The following MMP16 variants were observed in gnomAD, a reference collection of about 807,000 sequenced individuals.
MMP16 encodes matrix metallopeptidase 16, also known as matrix metalloproteinase-16.
In MMP16, 12 loss-of-function variants were observed where a neutral mutation model predicts 67.8. That is an observed-to-expected ratio of 0.18 (90% CI 0.11 to 0.29). MMP16 has a LOEUF of 0.29. Ranked by LOEUF, MMP16 falls within the 10% of genes least tolerant of loss-of-function variation. The pLI, the probability that MMP16 is intolerant of heterozygous loss-of-function variation, is 1.00. For synonymous variants in MMP16, 249 were observed against 255.9 expected (o/e 0.97, Z 0.26); for missense variants, 475 against 765.7 (o/e 0.62, Z 4.48).
intron 1 of MMP16, among the ~76,000 whole-genome samples, chr8:88,264,383 T>G (rs1175554484): frequency 6.6e-6 from 1 of 152,150 alleles, no homozygotes; most frequent in African/African-American, 2.4e-5. Context: ...AAAATTTTTT[T>G]AGAGATAGGA....
chr8:88,272,358 A>G (rs2129974978), intron 1 of MMP16, among the ~76,000 whole-genome samples: 1 of 152,296 alleles, frequency 6.6e-6, no homozygotes, highest in African/African-American at 2.4e-5. Flanking sequence ...AATAGCAAAG[A>G]ATATATAAAG....
At chr8:88,177,684 C>G (rs1035434680) in intron 3 of MMP16, among the ~76,000 whole-genome samples, 2 of 152,166 alleles carry the variant, frequency 1.3e-5, no homozygotes, top group Non-Finnish European at 2.9e-5. Context: ...ACTATTTTAT[C>G]AAAGCATTAT....
chr8:88,299,992 T>C (rs1006605181), intron 1 of MMP16, among the ~76,000 whole-genome samples: 1 of 152,236 alleles, frequency 6.6e-6, no homozygotes, highest in African/African-American at 2.4e-5. Context: ...CTTATGCTTA[T>C]ATTTCTTTTC....
chr8:88,100,275 T>C (rs1311486977), intron 6 of MMP16, among the ~76,000 whole-genome samples: 2 of 151,840 alleles, frequency 1.3e-5, no homozygotes, highest in African/African-American at 4.8e-5. Flanking sequence ...CACACAAATT[T>C]ACAAGAAAAA....
At chr8:88,134,616 T>C (rs750984443) in intron 4 of MMP16, among the ~76,000 whole-genome samples, 3 of 151,638 alleles carry the variant, frequency 2.0e-5, no homozygotes, top group Non-Finnish European at 4.4e-5. Flanking sequence ...CTCCTCTCTA[T>C]ATATTTTTCT....
chr8:88,175,275 T>C (rs565007828), intron 3 of MMP16, among the ~76,000 whole-genome samples: 1 of 152,324 alleles, frequency 6.6e-6, no homozygotes, highest in South Asian at 2.1e-4. Flanking sequence ...AAATAAAACC[T>C]AGATTCCACC....
chr8:88,318,205 T>C (rs1458619901), intron 1 of MMP16, among the ~76,000 whole-genome samples: 1 of 152,212 alleles, frequency 6.6e-6, no homozygotes. Context: ...TCTTCCTGAA[T>C]ACTTTGAAAA....
At chr8:88,324,640 T>A (rs1811510328) in intron 1 of MMP16, among the ~76,000 whole-genome samples, 1 of 152,164 alleles carries the variant, frequency 6.6e-6, no homozygotes, top group Middle Eastern at 3.4e-3. Context: ...TGAGAATCAA[T>A]CAAATAAAAC....
rs1456357094 is a variant in MMP16 at position 88,039,641 on chromosome 8, A to G, written c.*1820T>C. 1.3e-5 allele frequency: 2 copies of G among 152,638 alleles called. No individual in the cohort carries two copies. Among genetic ancestry groups the G allele is most frequent in the Non-Finnish European group, 2.9e-5 (2 of 68,044 alleles). 9.5% of individuals were successfully genotyped at this position (152,638 alleles called of 1,614,324 possible). On this transcript the variant is annotated 3_prime_UTR_variant, in exon 10 of 10. Transcript: ENST00000286614. This position sits in a 1 kb window ranked among gnomAD's most constrained non-coding sequence, Gnocchi z 4.5. ...TTCAAGGCAAGCTGTTCATTGTTTCAAAAGCTAATCCCCTCAAAGCTGGCT... is the reference window on the plus strand; with the variant it reads ...TTCAAGGCAAGCTGTTCATTGTTTCGAAAGCTAATCCCCTCAAAGCTGGCT...
intron 1 of MMP16, among the ~76,000 whole-genome samples, chr8:88,246,571 C>G (rs1001555322): frequency 6.6e-6 from 1 of 152,054 alleles, no homozygotes; most frequent in Admixed American, 6.6e-5. Flanking sequence ...TAAATACTAC[C>G]CAGCCCAACT....
intron 7 of MMP16, among the ~76,000 whole-genome samples, chr8:88,072,763 A>G (rs1306344186): frequency 6.6e-6 from 1 of 152,190 alleles, no homozygotes; most frequent in Non-Finnish European, 1.5e-5. Flanking sequence ...AAATATAAAC[A>G]AGTTCCATCT....
intron 3 of MMP16, among the ~76,000 whole-genome samples, chr8:88,171,306 A>G (rs1316530915): frequency 6.6e-6 from 1 of 152,174 alleles, no homozygotes; most frequent in Non-Finnish European, 1.5e-5. Context: ...TTACCTCCAT[A>G]ACAAACCTGC....
At chr8:88,118,960 A>C in intron 4 of MMP16, 99 bp from the exon 5 acceptor site, 3 of 1,121,310 alleles carry the variant, frequency 2.7e-6, no homozygotes, top group Non-Finnish European at 3.8e-6. Flanking sequence ...CAAGAAAAAT[A>C]GGAGGTACTC....
intron 4 of MMP16, among the ~76,000 whole-genome samples, chr8:88,136,685 T>G (rs1320452497): frequency 1.3e-5 from 2 of 151,760 alleles, no homozygotes; most frequent in East Asian, 1.9e-4. Context: ...ATACATTAAA[T>G]AAAATGAATT....
At chr8:88,140,311 A>T (rs1010842293) in intron 4 of MMP16, among the ~76,000 whole-genome samples, 2 of 152,196 alleles carry the variant, frequency 1.3e-5, no homozygotes. Flanking sequence ...TAAGAGAGTA[A>T]GAGAGGGAGA....
chr8:88,050,685 T>A (rs1439296882), intron 8 of MMP16, among the ~76,000 whole-genome samples: 3 of 152,174 alleles, frequency 2.0e-5, no homozygotes, highest in Non-Finnish European at 4.4e-5. Context: ...ATTTACTGTG[T>A]TTGAATGTGG....
intron 6 of MMP16, among the ~76,000 whole-genome samples, chr8:88,075,028 G>A (rs1441278615): frequency 6.6e-6 from 1 of 152,098 alleles, no homozygotes; most frequent in African/African-American, 2.4e-5. Flanking sequence ...AGGTAGCACA[G>A]AGAAGTCCCT....
At chr8:88,301,125 A>G (rs1375855828) in intron 1 of MMP16, among the ~76,000 whole-genome samples, 2 of 152,204 alleles carry the variant, frequency 1.3e-5, no homozygotes, top group Non-Finnish European at 2.9e-5. Context: ...ACCTAGCTCA[A>G]TGAAAAATGA....
intron 4 of MMP16, among the ~76,000 whole-genome samples, chr8:88,150,976 T>A (rs1239247543): frequency 7.1e-6 from 1 of 141,214 alleles, no homozygotes; most frequent in Non-Finnish European, 1.5e-5. Flanking sequence ...CCATCTCACG[T>A]GCAGAGACAC....
Sources: allele counts gnomAD v4.1 joint callset (sites outside exome capture counted in the v4.1 genomes callset), GRCh38; gene constraint gnomAD v4.1.1; non-coding constraint Gnocchi (gnomAD v3.1); transcripts MANE v1.5; gene names NCBI Gene and HGNC (gene_info 2026-07-23, HGNC 2026-07-21).